Variants in CAMTA1 observed in about 807,000 individuals in gnomAD.
The protein encoded by CAMTA1 is calmodulin-binding transcription activator 1.
In CAMTA1, 27 loss-of-function variants were observed where a neutral mutation model predicts 170.9. That is an observed-to-expected ratio of 0.16 (90% confidence interval 0.12 to 0.22). The LOEUF (loss-of-function observed/expected upper bound fraction) is 0.22, where lower values mean the gene tolerates loss of function less well. CAMTA1 is among the 10% of genes least tolerant of loss of function. The pLI, the probability that CAMTA1 is intolerant of heterozygous loss-of-function variation, is 1.00. For missense variants in CAMTA1, 1,619 were observed against 2,217.2 expected (o/e 0.73, Z 5.42); for synonymous variants, 833 against 891.5 (o/e 0.93, Z 1.17).
At chr1:6,857,131 A>G (rs1662734376) in intron 3 of CAMTA1, among the ~76,000 whole-genome samples, 1 of 151,988 alleles carries the variant, frequency 6.6e-6, no homozygotes, top group African/African-American at 2.4e-5. Flanking sequence ...GCAAGAATGG[A>G]AGTTGAGAGA....
intron 4 of CAMTA1, among the ~76,000 whole-genome samples, chr1:7,225,202 A>G (rs1431450717): frequency 6.6e-6 from 1 of 152,000 alleles, no homozygotes; most frequent in African/African-American, 2.4e-5. Context: ...CTCCTGCCTC[A>G]GCCTCCCGAG....
At chr1:6,805,723 C>G (rs1327869203) in intron 1 of CAMTA1, among the ~76,000 whole-genome samples, 1 of 152,150 alleles carries the variant, frequency 6.6e-6, no homozygotes, top group Non-Finnish European at 1.5e-5. Flanking sequence ...TATGCCCAGG[C>G]TGGTCTTGAA....
At chr1:7,140,642 A>C (rs1372341484) in intron 4 of CAMTA1, among the ~76,000 whole-genome samples, 1 of 152,234 alleles carries the variant, frequency 6.6e-6, no homozygotes, top group African/African-American at 2.4e-5. Context: ...TGGGTTCTAC[A>C]AAACTGAGTT....
rs1193064089 is a variant in CAMTA1 at position 6,965,923 on chromosome 1, A to G, written c.235-125381A>G. Among the ~76,000 whole-genome samples, 2 of 152,086 alleles carry G rather than the reference A, an allele frequency of 1.3e-5. No homozygotes were observed. Among genetic ancestry groups the G allele is most frequent in the Non-Finnish European group, 2.9e-5 (2 of 68,022 alleles). On this transcript the variant is annotated intron_variant, in intron 3 of 22. Transcript: ENST00000303635. The surrounding 1 kb of genome is among the most constrained non-coding windows in gnomAD (Gnocchi z 4.1). Reference sequence around the variant, plus strand: ...CTGCTTGTTGTGTCCTGTGGAAACTAGATTTTCTGTCTTGGGATCTTTCTG... The same window carrying G: ...CTGCTTGTTGTGTCCTGTGGAAACTGGATTTTCTGTCTTGGGATCTTTCTG...
intron 5 of CAMTA1, among the ~76,000 whole-genome samples, chr1:7,406,617 CACAT>C (rs1165262780): frequency 6.6e-6 from 1 of 152,076 alleles, no homozygotes; most frequent in Non-Finnish European, 1.5e-5. Flanking sequence ...TACACACACA[CACAT>C]GCATGCAGAC....
chr1:7,640,772 G>A (rs771489275), intron 7 of CAMTA1, among the ~76,000 whole-genome samples: 34 of 152,228 alleles, frequency 2.2e-4, no homozygotes, highest in Middle Eastern at 3.2e-3. Flanking sequence ...CCAGGCCCAC[G>A]TGACAGATGA....
At chr1:7,397,433 A>G (rs943480786) in intron 5 of CAMTA1, among the ~76,000 whole-genome samples, 2 of 152,086 alleles carry the variant, frequency 1.3e-5, no homozygotes, top group African/African-American at 2.4e-5. Context: ...GTATCAATAT[A>G]TCAACAAAAC....
intron 5 of CAMTA1, among the ~76,000 whole-genome samples, chr1:7,321,055 A>T (rs1362970965): frequency 2.0e-5 from 3 of 152,122 alleles, no homozygotes; most frequent in South Asian, 2.1e-4. Flanking sequence ...GGAATGGGGG[A>T]ATGAGCTCAT....
At chr1:7,372,146 G>T (rs1256788879) in intron 5 of CAMTA1, among the ~76,000 whole-genome samples, 2 of 152,164 alleles carry the variant, frequency 1.3e-5, no homozygotes, top group Admixed American at 6.5e-5. Context: ...GGTTGAGGCT[G>T]CCAGGCTTAG....
chr1:7,123,158 T>C (rs1644744338), intron 4 of CAMTA1, among the ~76,000 whole-genome samples: 1 of 152,114 alleles, frequency 6.6e-6, no homozygotes, highest in Non-Finnish European at 1.5e-5. Context: ...ACAATAACCA[T>C]TTCTTGCCTC....
At chr1:7,103,163 C>T (rs991996142) in intron 4 of CAMTA1, among the ~76,000 whole-genome samples, 2 of 151,848 alleles carry the variant, frequency 1.3e-5, no homozygotes, top group East Asian at 3.9e-4. Context: ...AACAGGGTAC[C>T]TACCTGAGTA....
intron 5 of CAMTA1, among the ~76,000 whole-genome samples, chr1:7,339,755 C>G (rs2083657572): frequency 6.6e-6 from 1 of 152,056 alleles, no homozygotes; most frequent in African/African-American, 2.4e-5. Flanking sequence ...CACCACCATG[C>G]CCGGCTAATT....
At chr1:7,180,182 C>T (rs921648847) in intron 4 of CAMTA1, among the ~76,000 whole-genome samples, 4 of 151,944 alleles carry the variant, frequency 2.6e-5, no homozygotes, top group Admixed American at 1.3e-4. Flanking sequence ...GCGTGGCCAA[C>T]GTGGTAAAAC....
chr1:7,037,799 C>G (rs1486208319), intron 3 of CAMTA1, among the ~76,000 whole-genome samples: 1 of 150,840 alleles, frequency 6.6e-6, no homozygotes, highest in Non-Finnish European at 1.5e-5. Context: ...GATCGCACCA[C>G]TGCACTCCAG....
At chr1:7,157,888 G>A (rs938513968) in intron 4 of CAMTA1, among the ~76,000 whole-genome samples, 6 of 152,118 alleles carry the variant, frequency 3.9e-5, no homozygotes, top group Admixed American at 1.3e-4. Flanking sequence ...GGCCGGGCGC[G>A]GTGGCTCACA....
At chr1:6,975,906 A>T (rs1403474915) in intron 3 of CAMTA1, among the ~76,000 whole-genome samples, 1 of 152,168 alleles carries the variant, frequency 6.6e-6, no homozygotes, top group Non-Finnish European at 1.5e-5. Context: ...ATAGTGCAGT[A>T]TGTGGCCTTT....
At chr1:6,995,487 A>G (rs1041498768) in intron 3 of CAMTA1, among the ~76,000 whole-genome samples, 1 of 151,690 alleles carries the variant, frequency 6.6e-6, no homozygotes, top group African/African-American at 2.4e-5. Flanking sequence ...TATTTTTAGT[A>G]GAGACGAGGC....
chr1:7,044,779 G>A lies in CAMTA1; in HGVS notation c.235-46525G>A, dbSNP rs949344642. ...CAGTCCTCCTGCCCCCCTGCCTGGCGCATCTTTCCCCCTCACGTCCTCTCC... is the reference window on the plus strand; with the variant it reads ...CAGTCCTCCTGCCCCCCTGCCTGGCACATCTTTCCCCCTCACGTCCTCTCC... On this transcript the variant is annotated intron_variant, in intron 3 of 22. Transcript: ENST00000303635. This position sits in a 1 kb window ranked among gnomAD's most constrained non-coding sequence, Gnocchi z 5.0. Among the ~76,000 whole-genome samples the A allele has an allele frequency of 1.3e-5, 2 of 150,436 alleles. No homozygotes were observed.
At chr1:6,980,856 G>A (rs1572192756) in intron 3 of CAMTA1, among the ~76,000 whole-genome samples, 1 of 152,266 alleles carries the variant, frequency 6.6e-6, no homozygotes, top group South Asian at 2.1e-4. Context: ...TCAGTCTTGG[G>A]TATGTCTTTA....
Sources: gnomAD v4.1 joint callset for allele counts (sites outside exome capture counted in the v4.1 genomes callset) on GRCh38, gnomAD v4.1.1 for gene constraint, Gnocchi (gnomAD v3.1) non-coding constraint, MANE v1.5 for transcripts, NCBI Gene and HGNC (gene_info 2026-07-23, HGNC 2026-07-21) for gene names.